The following ZHX2 variants were observed in gnomAD, a reference collection of about 807,000 sequenced individuals.
ZHX2 encodes zinc fingers and homeoboxes protein 2.
A neutral mutation model predicts 21.9 loss-of-function variants in ZHX2; 6 were observed. The ratio of observed to expected loss-of-function variants is 0.27; its 90% CI spans 0.15 to 0.54. The LOEUF is 0.54. Among genes scored for constraint, ZHX2 ranks in the 20% least tolerant of loss-of-function variants. The probability of loss-of-function intolerance (pLI) is 0.95; values close to 1 mark genes in which losing one functional copy is unlikely to be tolerated. For missense variants in ZHX2, 908 were observed against 1,090.7 expected (o/e 0.83, Z 2.36); for synonymous variants, 434 against 437.1 (o/e 0.99, Z 0.09).
At chr8:122,878,200 CA>C (rs1819615178) in intron 2 of ZHX2, among the ~76,000 whole-genome samples, 1 of 152,190 alleles carries the variant, frequency 6.6e-6, no homozygotes, top group South Asian at 2.1e-4. Flanking sequence ...TGGTATGTTA[CA>C]TTTAAAAATA....
At chr8:122,850,433 T>C (rs1818862639) in intron 1 of ZHX2, among the ~76,000 whole-genome samples, 1 of 151,738 alleles carries the variant, frequency 6.6e-6, no homozygotes, top group Non-Finnish European at 1.5e-5. Flanking sequence ...AGGTCAGGAG[T>C]TCGAGACCAG....
chr8:122,832,844 A>C (rs1181096016), intron 1 of ZHX2, among the ~76,000 whole-genome samples: 2 of 151,972 alleles, frequency 1.3e-5, no homozygotes, highest in African/African-American at 4.8e-5. Flanking sequence ...CTTAGGGGAG[A>C]CCTAATACTC....
Position 122,851,754 on chromosome 8 carries a change from T to C in ZHX2, c.-282-11723T>C, listed in dbSNP as rs979568576. ...GTAATATCCTTATTTGCCCGGGGCT[T>C]GGGGGCTCAGAAAGAGTAAATAAAT... On this transcript the variant is annotated intron_variant, in intron 1 of 3. Transcript: ENST00000314393. 5.9e-5 allele frequency among the ~76,000 whole-genome samples: 9 copies of C among 152,326 alleles called. No individual in the cohort carries two copies. In the East Asian group the frequency reaches 1.5e-3, roughly 26 times the overall value.
At chr8:122,892,892 G>T (rs1237804860) in intron 2 of ZHX2, among the ~76,000 whole-genome samples, 6 of 152,030 alleles carry the variant, frequency 3.9e-5, no homozygotes, top group Admixed American at 2.0e-4. Context: ...CACTATGTTG[G>T]CCAGACTGGT....
intron 1 of ZHX2, among the ~76,000 whole-genome samples, chr8:122,831,155 A>C (rs1428399801): frequency 6.6e-6 from 1 of 152,194 alleles, no homozygotes; most frequent in East Asian, 1.9e-4. Flanking sequence ...GAATGCTTCT[A>C]CTTATCTGGA....
intron 3 of ZHX2, among the ~76,000 whole-genome samples, chr8:122,956,349 C>T (rs761530382): frequency 2.6e-5 from 4 of 152,140 alleles, no homozygotes; most frequent in East Asian, 1.9e-4. Context: ...CTGTGGAGCT[C>T]GGGCAGGCCA....
intron 1 of ZHX2, among the ~76,000 whole-genome samples, chr8:122,836,096 A>G (rs1334544701): frequency 1.3e-5 from 2 of 152,170 alleles, no homozygotes; most frequent in African/African-American, 4.8e-5. Context: ...GAGGGGGACA[A>G]TAAAAGGAGC....
At chr8:122,812,994 A>C (rs755424660) in intron 1 of ZHX2, among the ~76,000 whole-genome samples, 1 of 152,166 alleles carries the variant, frequency 6.6e-6, no homozygotes, top group African/African-American at 2.4e-5. Context: ...TCAAGAGTTC[A>C]TGACCAGCCT....
chr8:122,799,692 C>T (rs552124790), intron 1 of ZHX2, among the ~76,000 whole-genome samples: 1 of 152,310 alleles, frequency 6.6e-6, no homozygotes, highest in South Asian at 2.1e-4. Flanking sequence ...GCCTCTGTGA[C>T]TGAGGAGCTC....
chr8:122,948,137 C>T (rs1278924057), intron 2 of ZHX2, among the ~76,000 whole-genome samples: 6 of 152,228 alleles, frequency 3.9e-5, no homozygotes, highest in Admixed American at 3.3e-4. Flanking sequence ...AGTGTGTCAC[C>T]GAGCCCCTAA....
chr8:122,864,522 C>T (rs887825484), intron 2 of ZHX2, among the ~76,000 whole-genome samples: 1 of 152,032 alleles, frequency 6.6e-6, no homozygotes, highest in African/African-American at 2.4e-5. Flanking sequence ...CTATCTCATG[C>T]CAGAACCACC....
chr8:122,807,362 C>T (rs1323376312), intron 1 of ZHX2, among the ~76,000 whole-genome samples: 1 of 152,154 alleles, frequency 6.6e-6, no homozygotes, highest in Non-Finnish European at 1.5e-5. Context: ...TTTGTTGACT[C>T]AGGGAACTCT....
At chr8:122,793,523 G>A (rs1425715235) in intron 1 of ZHX2, among the ~76,000 whole-genome samples, 18 of 152,186 alleles carry the variant, frequency 1.2e-4, no homozygotes, top group Non-Finnish European at 2.2e-4. Flanking sequence ...GATACTTGGG[G>A]CAGCCATAGT....
At chr8:122,868,092 G>C (rs970264068) in intron 2 of ZHX2, among the ~76,000 whole-genome samples, 2 of 152,096 alleles carry the variant, frequency 1.3e-5, no homozygotes, top group Non-Finnish European at 2.9e-5. Flanking sequence ...GCCTTTTAGC[G>C]GGTTTCTCTA....
intron 2 of ZHX2, among the ~76,000 whole-genome samples, chr8:122,901,806 G>A (rs756101910): frequency 6.6e-6 from 1 of 152,056 alleles, no homozygotes; most frequent in Admixed American, 6.5e-5. Context: ...CCCATCTTGT[G>A]ACAATCAAAA....
chr8:122,950,660 G>C (rs1163401703), intron 2 of ZHX2, among the ~76,000 whole-genome samples: 1 of 151,936 alleles, frequency 6.6e-6, no homozygotes, highest in Non-Finnish European at 1.5e-5. Context: ...ATGCATTATA[G>C]GGATATACCA....
At chr8:122,928,728 G>A (rs1820913648) in intron 2 of ZHX2, among the ~76,000 whole-genome samples, 1 of 152,162 alleles carries the variant, frequency 6.6e-6, no homozygotes, top group Non-Finnish European at 1.5e-5. Context: ...CATGGATTCA[G>A]ATTATAGGAG....
At chr8:122,862,816 T>C (rs941905861) in intron 1 of ZHX2, among the ~76,000 whole-genome samples, 2 of 152,208 alleles carry the variant, frequency 1.3e-5, no homozygotes, top group Non-Finnish European at 2.9e-5. Flanking sequence ...CCTGGCTCGG[T>C]GGCTGCTCCG....
chr8:122,799,473 T>C (rs1052740364), intron 1 of ZHX2, among the ~76,000 whole-genome samples: 2 of 152,178 alleles, frequency 1.3e-5, no homozygotes, highest in Non-Finnish European at 2.9e-5. Flanking sequence ...TCAAAATTGG[T>C]GAAATGAAAA....
Sources: allele counts gnomAD v4.1 joint callset (sites outside exome capture counted in the v4.1 genomes callset), GRCh38; gene constraint gnomAD v4.1.1; transcripts MANE v1.5; gene names NCBI Gene and HGNC (gene_info 2026-07-23, HGNC 2026-07-21).